Variants in GLIS3 observed in about 807,000 individuals in gnomAD.
GLIS3 encodes zinc finger protein GLIS3.
In GLIS3, 53 loss-of-function variants were observed where a neutral mutation model predicts 78.6. The observed-to-expected ratio is 0.67, with a 90% confidence interval of 0.54 to 0.85. GLIS3 has a LOEUF of 0.85. GLIS3 is among the 40% of genes least tolerant of loss of function. The pLI is 0.00. For missense variants in GLIS3, 1,703 were observed against 1,231.1 expected (o/e 1.38, Z -5.74); for synonymous variants, 684 against 509.9 (o/e 1.34, Z -4.60).
At chr9:4,280,742 TTCC>T (rs1371162179) in intron 2 of GLIS3, among the ~76,000 whole-genome samples, 1 of 151,914 alleles carries the variant, frequency 6.6e-6, no homozygotes, top group Non-Finnish European at 1.5e-5. Context: ...ATCCTCTTCC[TTCC>T]TCCTCACTCT....
intron 4 of GLIS3, among the ~76,000 whole-genome samples, chr9:4,049,357 G>A (rs1556988): frequency 0.84 from 127,891 of 152,082 alleles, 54,146 homozygotes; most frequent in African/African-American, 0.95. Context: ...TCCCTACAAC[G>A]TGATTGTTAA....
At chr9:4,155,494 T>G (rs887537048) in intron 2 of GLIS3, among the ~76,000 whole-genome samples, 7 of 152,264 alleles carry the variant, frequency 4.6e-5, no homozygotes, top group Non-Finnish European at 1.5e-5. Context: ...TTAGCGTATT[T>G]GTTTTCTTTG....
At chr9:4,319,042 G>T (rs1290065331) in intron 2 of GLIS3, among the ~76,000 whole-genome samples, 1 of 152,106 alleles carries the variant, frequency 6.6e-6, no homozygotes, top group East Asian at 1.9e-4. Context: ...AAAACAGCTG[G>T]CCTGTACTCT....
intron 4 of GLIS3, among the ~76,000 whole-genome samples, chr9:3,981,852 C>A (rs1819314884): frequency 6.6e-6 from 1 of 152,096 alleles, no homozygotes; most frequent in Non-Finnish European, 1.5e-5. Flanking sequence ...CACTTTTTGG[C>A]AAATTGCTTT....
chr9:4,319,219 C>A (rs1249021971), intron 2 of GLIS3, among the ~76,000 whole-genome samples: 1 of 152,080 alleles, frequency 6.6e-6, no homozygotes, highest in Middle Eastern at 3.2e-3. Context: ...TTGCATTAAT[C>A]CTGAATTTGA....
At chr9:4,377,295 C>CT in the GLIS3 span, among the ~76,000 whole-genome samples, 5 of 135,406 alleles carry the variant, frequency 3.7e-5, no homozygotes, top group African/African-American at 1.0e-4. Flanking sequence ...AGCTGGCTTG[C>CT]TGAGTCTCCT....
the GLIS3 span, among the ~76,000 whole-genome samples, chr9:4,382,570 T>C: frequency 6.6e-6 from 1 of 152,166 alleles, no homozygotes; most frequent in Non-Finnish European, 1.5e-5. Flanking sequence ...TCTCCAGGTA[T>C]GTTAGCAATC....
the GLIS3 span, among the ~76,000 whole-genome samples, chr9:4,447,998 C>G: frequency 6.6e-6 from 1 of 152,232 alleles, no homozygotes; most frequent in Non-Finnish European, 1.5e-5. Flanking sequence ...GCAGTCCTCC[C>G]AAGTCAGCTT....
intron 2 of GLIS3, among the ~76,000 whole-genome samples, chr9:4,316,546 G>C (rs1297602691): frequency 6.6e-6 from 1 of 152,184 alleles, no homozygotes; most frequent in Non-Finnish European, 1.5e-5. Flanking sequence ...TTCTCTACAT[G>C]TCTATGTGGG....
upstream of GLIS3, among the ~76,000 whole-genome samples, chr9:4,349,824 G>C (rs897129620): frequency 1.3e-5 from 2 of 152,210 alleles, no homozygotes; most frequent in African/African-American, 4.8e-5. Flanking sequence ...AAGAAATGAA[G>C]TCATGAAGCC....
chr9:4,238,718 C>T (rs903683690), intron 2 of GLIS3, among the ~76,000 whole-genome samples: 2 of 152,172 alleles, frequency 1.3e-5, no homozygotes, highest in Non-Finnish European at 2.9e-5. Flanking sequence ...ACCTTCTTAT[C>T]CACTATACTG....
At chr9:4,145,555 G>C (rs1351579542) in intron 2 of GLIS3, among the ~76,000 whole-genome samples, 1 of 152,100 alleles carries the variant, frequency 6.6e-6, no homozygotes, top group Non-Finnish European at 1.5e-5. Flanking sequence ...AGGCTAAAAT[G>C]AATCTAATAA....
At chr9:4,354,574 C>T in the GLIS3 span, among the ~76,000 whole-genome samples, 33 of 152,282 alleles carry the variant, frequency 2.2e-4, no homozygotes, top group African/African-American at 6.5e-4. Flanking sequence ...CCTCAGTGCA[C>T]GGGATTGTCC....
chr9:4,229,264 G>T (rs1822048422), intron 2 of GLIS3, among the ~76,000 whole-genome samples: 1 of 152,202 alleles, frequency 6.6e-6, no homozygotes, highest in African/African-American at 2.4e-5. Context: ...TTCACTTTGT[G>T]CAAAAATTTT....
chr9:4,024,037 A>AAC (rs1823103983), intron 4 of GLIS3, among the ~76,000 whole-genome samples: 2 of 130,490 alleles, frequency 1.5e-5, no homozygotes, highest in African/African-American at 7.9e-5. Context: ...AAAAAAAACA[A>AAC]AAAAAAAAAT....
intron 8 of GLIS3, among the ~76,000 whole-genome samples, chr9:3,869,664 G>T (rs1040518810): frequency 6.6e-6 from 1 of 152,186 alleles, no homozygotes; most frequent in African/African-American, 2.4e-5. Flanking sequence ...ACTGGGACCT[G>T]CCAATGACCT....
chr9:4,435,298 T>A, the GLIS3 span, among the ~76,000 whole-genome samples: 2 of 152,226 alleles, frequency 1.3e-5, no homozygotes, highest in African/African-American at 4.8e-5. Context: ...AATGGGATTA[T>A]AGTGTAGATT....
intron 4 of GLIS3, among the ~76,000 whole-genome samples, chr9:4,077,319 G>A (rs1193389587): frequency 2.0e-5 from 3 of 152,170 alleles, no homozygotes; most frequent in African/African-American, 7.2e-5. Context: ...AATTGGCACT[G>A]ACAAATTGAG....
chr9:3,845,890 G>C (rs1043179305), intron 9 of GLIS3, among the ~76,000 whole-genome samples: 2 of 152,198 alleles, frequency 1.3e-5, no homozygotes, highest in African/African-American at 4.8e-5. Flanking sequence ...GAGTCAGATG[G>C]TCCTGGGTGC....
Sources: allele counts gnomAD v4.1 joint callset (sites outside exome capture counted in the v4.1 genomes callset), GRCh38; gene constraint gnomAD v4.1.1; transcripts MANE v1.5; gene names NCBI Gene and HGNC (gene_info 2026-07-23, HGNC 2026-07-21).